The following MBD5 variants were observed in gnomAD, a reference collection of about 807,000 sequenced individuals.
MBD5 encodes methyl-CpG binding domain protein 5, also known as methyl-CpG-binding domain protein 5.
A neutral mutation model predicts 117.3 loss-of-function variants in MBD5; 13 were observed. The ratio of observed to expected loss-of-function variants is 0.11; its 90% CI spans 0.07 to 0.18. The LOEUF (loss-of-function observed/expected upper bound fraction) is 0.18, where lower values mean the gene tolerates loss of function less well. Ranked by LOEUF, MBD5 falls within the 10% of genes least tolerant of loss-of-function variation. The pLI is 1.00. For synonymous variants in MBD5, 727 were observed against 766.4 expected (o/e 0.95, Z 0.85); for missense variants, 1,879 against 2,093.8 (o/e 0.90, Z 2.00).
At chr2:148,273,830 T>C (rs145584249) in intron 3 of MBD5, among the ~76,000 whole-genome samples, 2 of 152,328 alleles carry the variant, frequency 1.3e-5, no homozygotes, top group East Asian at 3.9e-4. Context: ...AAGAACCTAG[T>C]TGGGCAGTAA....
chr2:148,071,655 T>C (rs890929614), intron 1 of MBD5: 57 of 152,290 alleles, frequency 3.7e-4, no homozygotes, highest in East Asian at 1.5e-3. Context: ...AGAAAAGATA[T>C]TTGCTCTGTG....
At chr2:148,092,770 C>T (rs897085205) in intron 1 of MBD5, among the ~76,000 whole-genome samples, 1 of 150,760 alleles carries the variant, frequency 6.6e-6, no homozygotes, top group African/African-American at 2.4e-5. Flanking sequence ...AAGAACTTTT[C>T]TATGCAACCA....
intron 3 of MBD5, among the ~76,000 whole-genome samples, chr2:148,336,165 G>T (rs1702782176): frequency 6.6e-6 from 1 of 152,130 alleles, no homozygotes; most frequent in African/African-American, 2.4e-5. Flanking sequence ...CTAAGAGCTG[G>T]CTATGTAAGT....
chr2:148,176,929 A>T (rs1698405916), intron 1 of MBD5, among the ~76,000 whole-genome samples: 1 of 151,818 alleles, frequency 6.6e-6, no homozygotes, highest in African/African-American at 2.4e-5. Flanking sequence ...TTCTAGTTAT[A>T]TGTGAGGTTT....
chr2:148,210,409 C>T (rs1699393644), intron 2 of MBD5, among the ~76,000 whole-genome samples: 1 of 151,922 alleles, frequency 6.6e-6, no homozygotes. Flanking sequence ...GATAATAGGT[C>T]TTATAAAATG....
Position 148,254,520 on chromosome 2 carries a change from G to A in MBD5, c.-680+21125G>A, listed in dbSNP as rs923389468. Among the ~76,000 whole-genome samples, 5 of 152,228 alleles carry A rather than the reference G, an allele frequency of 3.3e-5. No individual in the cohort carries two copies. In the South Asian group the frequency reaches 6.2e-4, roughly 19 times the overall value. ...AACCACCAGGGGGCTCATCACAATC[G>A]CAGAAGCTGAGAGCATAGCACCTCC... On this transcript the variant is annotated intron_variant, in intron 3 of 13. Transcript: ENST00000642680.
intron 8 of MBD5, among the ~76,000 whole-genome samples, chr2:148,478,681 G>A (rs566656358): frequency 6.6e-6 from 1 of 152,136 alleles, no homozygotes; most frequent in Admixed American, 6.6e-5. Context: ...TTGTTTAGGT[G>A]GCCTTCCAGT....
At chr2:148,372,902 T>C (rs756536225) in intron 4 of MBD5, among the ~76,000 whole-genome samples, 22 of 152,078 alleles carry the variant, frequency 1.4e-4, no homozygotes, top group Admixed American at 3.9e-4. Context: ...TTTCCTCTGA[T>C]TTTCCACCGA....
chr2:148,202,644 A>G (rs974014609), intron 2 of MBD5, among the ~76,000 whole-genome samples: 27 of 152,168 alleles, frequency 1.8e-4, no homozygotes, highest in African/African-American at 4.1e-4. Flanking sequence ...CTTGGGATTG[A>G]TGTGATTTGA....
chr2:148,021,577 T>TCTCCTCCTCCTCCTTCGC lies in MBD5; in HGVS notation c.-1018_-1001dup, dbSNP rs1693733271. The stretch of plus-strand genomic sequence containing the variant: ...ACCCAGGAGCAGCCACTTCCCCAGC[T>TCTCCTCCTCCTCCTTCGC]CTCCTCCTCCTCCTTCGCCTCCTCC... On this transcript the variant is annotated 5_prime_UTR_variant, in exon 1 of 14. Coordinates refer to ENST00000642680, the MANE Select transcript of MBD5 (RefSeq NM_001378120.1). The TCTCCTCCTCCTCCTTCGC allele has an allele frequency of 1.9e-6, 1 of 524,428 alleles. No individual in the cohort carries two copies. The highest frequency in any genetic ancestry group is 3.7e-6 in the Non-Finnish European group (1 of 270,634). The allele number at this position is 524,428 out of a possible 1,614,324, so 32.5% of individuals were successfully genotyped here.
intron 3 of MBD5, among the ~76,000 whole-genome samples, chr2:148,234,626 T>C (rs1017247811): frequency 6.6e-6 from 1 of 152,174 alleles, no homozygotes; most frequent in African/African-American, 2.4e-5. Flanking sequence ...TTATATCCAC[T>C]GGCTGTTTTC....
intron 1 of MBD5, among the ~76,000 whole-genome samples, chr2:148,153,080 A>G (rs1357042091): frequency 1.9e-4 from 29 of 151,782 alleles, no homozygotes; most frequent in African/African-American, 3.6e-4. Flanking sequence ...GCTGGTACCG[A>G]TTATTCCTTT....
At chr2:148,121,904 A>G (rs1310872143) in intron 1 of MBD5, among the ~76,000 whole-genome samples, 1 of 152,114 alleles carries the variant, frequency 6.6e-6, no homozygotes, top group Non-Finnish European at 1.5e-5. Flanking sequence ...ATATTTTCTT[A>G]TTTTCTAATG....
intron 2 of MBD5, among the ~76,000 whole-genome samples, chr2:148,199,802 G>T (rs1369315782): frequency 6.6e-6 from 1 of 151,994 alleles, no homozygotes; most frequent in Non-Finnish European, 1.5e-5. Flanking sequence ...AAATGTCATG[G>T]ATTTCTTTAT....
intron 1 of MBD5, among the ~76,000 whole-genome samples, chr2:148,056,408 A>G (rs1694865140): frequency 1.3e-5 from 2 of 152,080 alleles, no homozygotes; most frequent in African/African-American, 2.4e-5. Flanking sequence ...GTTGCCAGTC[A>G]TAAAAGGAAT....
chr2:148,464,551 C>G lies in MBD5; in HGVS notation c.397+632C>G, dbSNP rs148671429. Among the ~76,000 whole-genome samples, 429 of 152,156 alleles carry G rather than the reference C, an allele frequency of 2.8e-3. 3 individuals are homozygous for G. Among genetic ancestry groups the G allele is most frequent in the South Asian group, 1.0e-2 (48 of 4,812 alleles). ...ACAAGGGCACACTCTTACATAAACA[C>G]GATCTAAGGCTCACATTCAGGAAAT... On this transcript the variant is annotated intron_variant, in intron 7 of 13. Coordinates refer to ENST00000642680, the MANE Select transcript of MBD5 (RefSeq NM_001378120.1).
chr2:148,222,948 A>G (rs1408351575), intron 2 of MBD5, among the ~76,000 whole-genome samples: 2 of 151,908 alleles, frequency 1.3e-5, no homozygotes, highest in Admixed American at 6.6e-5. Context: ...TACATTCTAT[A>G]TCCAGTTTTT....
Position 148,458,462 on chromosome 2 carries a change from AG to A in MBD5, c.-296del. ...CCCACCCCCACTTCAGACAGGTACC[AG>A]CATTGGTGAATTATGATTTTCCTTA... On this transcript the variant is annotated 5_prime_UTR_variant, in exon 5 of 14. Coordinates refer to ENST00000642680, the MANE Select transcript of MBD5 (RefSeq NM_001378120.1). 1 of 578,370 alleles carries A rather than the reference AG, an allele frequency of 1.7e-6. No homozygotes were observed. 35.8% of individuals were successfully genotyped at this position (578,370 alleles called of 1,614,324 possible).
At chr2:148,340,089 A>G (rs1187758414) in intron 3 of MBD5, among the ~76,000 whole-genome samples, 5 of 152,032 alleles carry the variant, frequency 3.3e-5, no homozygotes, top group African/African-American at 1.2e-4. Flanking sequence ...AACTCCTTCC[A>G]TTCTGCCTAA....
Sources: allele counts gnomAD v4.1 joint callset (sites outside exome capture counted in the v4.1 genomes callset), GRCh38; gene constraint gnomAD v4.1.1; transcripts MANE v1.5; gene names NCBI Gene and HGNC (gene_info 2026-07-23, HGNC 2026-07-21).